DGCR2: variants seen among roughly 807,000 people sequenced by gnomAD.
DGCR2 encodes the protein integral membrane protein DGCR2/IDD.
Under a neutral mutation model 51.6 loss-of-function variants are expected in DGCR2, and 24 were observed. The ratio of observed to expected loss-of-function variants is 0.47; its 90% CI spans 0.34 to 0.65. The LOEUF (loss-of-function observed/expected upper bound fraction) is 0.65, where lower values mean the gene tolerates loss of function less well. DGCR2 is among the 30% of genes least tolerant of loss of function. The pLI is 0.01. For missense variants in DGCR2, 765 were observed against 772.1 expected, an observed-to-expected ratio of 0.99 and a Z score of 0.11; for synonymous variants, 340 against 315.4, an observed-to-expected ratio of 1.08 and a Z score of -0.82.
intron 2 of DGCR2, among the ~76,000 whole-genome samples, chr22:19,086,848 C>G (rs981552130): frequency 6.6e-6 from 1 of 152,174 alleles, no homozygotes; most frequent in Non-Finnish European, 1.5e-5. Context: ...AGAAATAAAA[C>G]CTACTCCTTG....
chr22:19,091,831 G>A (rs946356173), intron 1 of DGCR2, among the ~76,000 whole-genome samples: 5 of 151,504 alleles, frequency 3.3e-5, no homozygotes, highest in Admixed American at 1.3e-4. Flanking sequence ...TCCCAGCAAC[G>A]TGGGAGGCTG....
intron 1 of DGCR2, chr22:19,121,840 G>C (rs1032221235): frequency 8.8e-6 from 2 of 226,824 alleles, no homozygotes; most frequent in Middle Eastern, 1.4e-3. Context: ...CGCTGGACTG[G>C]CGAGAGGGTG....
chr22:19,073,371 G>A (rs2082838070), intron 2 of DGCR2, among the ~76,000 whole-genome samples: 1 of 152,170 alleles, frequency 6.6e-6, no homozygotes. Context: ...ATGGAAAACT[G>A]CAGAGGAGAA....
At chr22:19,056,515 C>A in intron 6 of DGCR2, 3 of 470,218 alleles carry the variant, frequency 6.4e-6, no homozygotes, top group South Asian at 5.3e-5. Flanking sequence ...GCTCCTGAGA[C>A]CCCTGTCCCC....
intron 1 of DGCR2, among the ~76,000 whole-genome samples, chr22:19,090,821 AGAC>A (rs1054930094): frequency 1.3e-5 from 2 of 151,986 alleles, no homozygotes; most frequent in African/African-American, 4.8e-5. Flanking sequence ...GAAAAAAAAA[AGAC>A]AAACAGATGG....
At chr22:19,039,217 T>G (rs1417875289) in intron 9 of DGCR2, 96 bp from the exon 10 acceptor site, 2 of 1,491,794 alleles carry the variant, frequency 1.3e-6, no homozygotes, top group Non-Finnish European at 1.8e-6. Flanking sequence ...TCCTCCTGCC[T>G]GAAGGCCCCC....
chr22:19,041,920 C>A lies in DGCR2; in HGVS notation c.1046G>T (p.Arg349Leu), dbSNP rs751741293. 3 of 1,613,372 alleles carry A rather than the reference C, an allele frequency of 1.9e-6. No individual in the cohort carries two copies. The highest frequency in any genetic ancestry group is 1.1e-5 in the South Asian group (1 of 91,052). Reference protein sequence around the residue: ...SLFDSMASGMRLVVSCISSFL... With the variant: ...SLFDSMASGMLLVVSCISSFL... ...GGAGGAGATGCAGCTGACGACCAGG[C>A]GCATCCCGCTGGCCATGGAGTCAAA... The change falls in exon 8 of 10, where the codon CGC (arginine) becomes CTC (leucine). Residue 349 changes from arginine to leucine, a missense_variant. This residue lies in a region of DGCR2 where 190 missense variants were observed against 265.2 expected (regional missense o/e 0.72). Coordinates refer to ENST00000263196, the MANE Select transcript of DGCR2 (RefSeq NM_005137.3).
At chr22:19,112,371 A>G (rs1168130448) in intron 1 of DGCR2, among the ~76,000 whole-genome samples, 3 of 152,170 alleles carry the variant, frequency 2.0e-5, no homozygotes, top group Non-Finnish European at 4.4e-5. Flanking sequence ...CTTGTTATAA[A>G]TACTGAGGTT....
intron 6 of DGCR2, 141 bp downstream of exon 6, chr22:19,056,845 A>G: frequency 1.1e-6 from 1 of 947,900 alleles, no homozygotes; most frequent in Non-Finnish European, 1.5e-6. Context: ...ATGGGCCCCA[A>G]GAACAAGGTG....
At chr22:19,041,391 C>A in intron 8 of DGCR2, 97 bp from the exon 9 acceptor site, 1 of 1,233,996 alleles carries the variant, frequency 8.1e-7, no homozygotes, top group South Asian at 1.3e-5. Context: ...GGCCTGCCGT[C>A]CCTGAGTGCA....
At chr22:19,118,722 G>C (rs2083399859) in intron 1 of DGCR2, among the ~76,000 whole-genome samples, 1 of 152,326 alleles carries the variant, frequency 6.6e-6, no homozygotes, top group South Asian at 2.1e-4. Flanking sequence ...GCATTCAGAA[G>C]GCAATTTTTT....
chr22:19,052,411 GTC>G (rs1390505911), intron 6 of DGCR2, among the ~76,000 whole-genome samples: 2 of 111,242 alleles, frequency 1.8e-5, no homozygotes, highest in Non-Finnish European at 3.7e-5. Context: ...GAAAGACTCT[GTC>G]TCACACACAC....
intron 2 of DGCR2, among the ~76,000 whole-genome samples, chr22:19,088,742 C>T (rs931954084): frequency 3.3e-5 from 5 of 152,180 alleles, no homozygotes; most frequent in African/African-American, 1.2e-4. Flanking sequence ...CTACACCTCC[C>T]ACCCAACCAA....
intron 1 of DGCR2, among the ~76,000 whole-genome samples, chr22:19,115,003 G>A (rs1200045391): frequency 6.6e-6 from 1 of 152,200 alleles, no homozygotes; most frequent in Non-Finnish European, 1.5e-5. Flanking sequence ...CTACAGGGAG[G>A]GACCTGTAGG....
rs369359381 is a variant in DGCR2 at position 19,079,411 on chromosome 22, C to T, written c.202+9957G>A. 1.3e-3 allele frequency among the ~76,000 whole-genome samples: 205 copies of T among 152,278 alleles called. 8 individuals are homozygous for T. In the South Asian group the frequency reaches 0.041, roughly 30 times the overall value. ...TTGATTAGGCATTTTCTTAGCTGGG[C>T]TAAGAAACCTCTGACTGTTTTCCAG... On this transcript the variant is annotated intron_variant, in intron 2 of 9. Coordinates refer to ENST00000263196, the MANE Select transcript of DGCR2 (RefSeq NM_005137.3).
chr22:19,074,223 G>A (rs1055127440), intron 2 of DGCR2, among the ~76,000 whole-genome samples: 10 of 151,976 alleles, frequency 6.6e-5, no homozygotes, highest in Admixed American at 5.2e-4. Context: ...TCAAGAGTTC[G>A]AGACTAGCCT....
intron 7 of DGCR2, among the ~76,000 whole-genome samples, chr22:19,042,198 G>A (rs927985664): frequency 2.0e-5 from 3 of 152,344 alleles, no homozygotes; most frequent in Non-Finnish European, 4.4e-5. Flanking sequence ...CATGGCCCCA[G>A]GCTGCTGTGT....
chr22:19,115,109 G>A (rs2083359411), intron 1 of DGCR2, among the ~76,000 whole-genome samples: 1 of 152,164 alleles, frequency 6.6e-6, no homozygotes, highest in Admixed American at 6.5e-5. Flanking sequence ...GCAAGCATGT[G>A]CAGCCCATGC....
Position 19,038,567 on chromosome 22 carries a change from C to T in DGCR2, c.*298G>A. ...TGGCCCACAGTACCTTCTTCATTCC[C>T]TGCCTCTAACATGTGCGGTCTGAAT... On this transcript the variant is annotated 3_prime_UTR_variant, in exon 10 of 10. Coordinates refer to ENST00000263196, the MANE Select transcript of DGCR2 (RefSeq NM_005137.3). The T allele has an allele frequency of 4.5e-6, 2 of 447,812 alleles. No homozygotes were observed. Among genetic ancestry groups the T allele is most frequent in the Non-Finnish European group, 8.0e-6 (2 of 250,958 alleles). The allele number at this position is 447,812 out of a possible 1,614,324, so 27.7% of individuals were successfully genotyped here.
Sources: allele counts gnomAD v4.1 joint callset (sites outside exome capture counted in the v4.1 genomes callset), GRCh38; gene constraint gnomAD v4.1.1; regional missense constraint gnomAD v4.1.1; transcripts MANE v1.5; gene names NCBI Gene and HGNC (gene_info 2026-07-23, HGNC 2026-07-21).